DLG2: variants seen among roughly 807,000 people sequenced by gnomAD.
DLG2 encodes disks large homolog 2.
A neutral mutation model predicts 132.5 loss-of-function variants in DLG2; 45 were observed. The ratio of observed to expected loss-of-function variants is 0.34; its 90% CI spans 0.27 to 0.44. The LOEUF is 0.44. Among genes scored for constraint, DLG2 ranks in the 20% least tolerant of loss-of-function variants. DLG2 has a pLI of 1.00. For synonymous variants in DLG2, 424 were observed against 419.6 expected (o/e 1.01, Z -0.13); for missense variants, 1,045 against 1,196.9 (o/e 0.87, Z 1.87).
At chr11:84,955,043 T>C (rs1566497897) in intron 6 of DLG2, among the ~76,000 whole-genome samples, 2 of 152,182 alleles carry the variant, frequency 1.3e-5, no homozygotes, top group South Asian at 4.1e-4. Flanking sequence ...AATATGTAAA[T>C]GATACAAATT....
chr11:83,468,837 CAG>C (rs892009540), intron 25 of DLG2, among the ~76,000 whole-genome samples: 1 of 152,002 alleles, frequency 6.6e-6, no homozygotes, highest in Non-Finnish European at 1.5e-5. Flanking sequence ...GTCAAGTTTT[CAG>C]AGAGAGAGAA....
chr11:84,769,797 A>G (rs538399149), intron 6 of DLG2, among the ~76,000 whole-genome samples: 7 of 152,364 alleles, frequency 4.6e-5, no homozygotes, highest in African/African-American at 1.7e-4. Flanking sequence ...CAGAAACCTT[A>G]TAAGCCAGGA....
intron 6 of DLG2, among the ~76,000 whole-genome samples, chr11:84,977,521 T>C (rs1021771079): frequency 6.6e-6 from 1 of 152,210 alleles, no homozygotes; most frequent in Non-Finnish European, 1.5e-5. Flanking sequence ...GATACCCTTA[T>C]GCCCTGACCC....
intron 3 of DLG2, among the ~76,000 whole-genome samples, chr11:85,301,907 T>C (rs2079607841): frequency 6.6e-6 from 1 of 152,244 alleles, no homozygotes; most frequent in Non-Finnish European, 1.5e-5. Context: ...TCCCTCCCTG[T>C]CATAAAATTG....
At chr11:85,158,771 C>A (rs981623533) in intron 4 of DLG2, among the ~76,000 whole-genome samples, 1 of 152,102 alleles carries the variant, frequency 6.6e-6, no homozygotes, top group Admixed American at 6.5e-5. Context: ...TAGTCTGACT[C>A]GTGTAGAGCT....
intron 19 of DLG2, among the ~76,000 whole-genome samples, chr11:83,578,542 A>G (rs1246708126): frequency 6.6e-6 from 1 of 152,148 alleles, no homozygotes; most frequent in African/African-American, 2.4e-5. Flanking sequence ...TCAAAGGTAC[A>G]ACTAGGTTAA....
At chr11:83,855,571 A>AATTTTC (rs1465681828) in intron 16 of DLG2, among the ~76,000 whole-genome samples, 2 of 152,260 alleles carry the variant, frequency 1.3e-5, no homozygotes, top group Non-Finnish European at 2.9e-5. Context: ...CCAATCTGAA[A>AATTTTC]AGGCTACATA....
intron 11 of DLG2, among the ~76,000 whole-genome samples, chr11:84,014,471 A>G (rs1291185615): frequency 1.3e-5 from 2 of 152,294 alleles, no homozygotes; most frequent in African/African-American, 4.8e-5. Flanking sequence ...TTTTAAATGA[A>G]AATAAAATGT....
At chr11:83,564,985 C>CTGTTCTT (rs2096678940) in intron 19 of DLG2, among the ~76,000 whole-genome samples, 3 of 152,176 alleles carry the variant, frequency 2.0e-5, no homozygotes, top group Non-Finnish European at 4.4e-5. Context: ...GTATTATAAT[C>CTGTTCTT]AATCATGCAG....
intron 2 of DLG2, among the ~76,000 whole-genome samples, chr11:85,622,066 T>A (rs1047353315): frequency 1.8e-4 from 28 of 152,212 alleles, no homozygotes; most frequent in African/African-American, 6.5e-4. Context: ...TTAGCAGCCA[T>A]CAACAACGAA....
At chr11:85,315,029 TTATGAGC>T (rs1358047929) in intron 3 of DLG2, among the ~76,000 whole-genome samples, 1 of 151,972 alleles carries the variant, frequency 6.6e-6, no homozygotes. Flanking sequence ...CATGAGAGAA[TTATGAGC>T]TATCTAGGCC....
intron 4 of DLG2, among the ~76,000 whole-genome samples, chr11:85,281,256 T>A (rs550826869): frequency 6.6e-6 from 1 of 151,992 alleles, no homozygotes; most frequent in Non-Finnish European, 1.5e-5. Context: ...GTCTAAAACC[T>A]TTACCTCCAG....
At chr11:83,610,677 A>G (rs1169806795) in intron 19 of DLG2, among the ~76,000 whole-genome samples, 2 of 151,398 alleles carry the variant, frequency 1.3e-5, no homozygotes, top group Non-Finnish European at 3.0e-5. Flanking sequence ...CAATGAGGTA[A>G]TAATAATAAT....
chr11:85,096,269 C>T (rs1305008710), intron 6 of DLG2, among the ~76,000 whole-genome samples: 3 of 152,284 alleles, frequency 2.0e-5, no homozygotes, highest in South Asian at 2.1e-4. Context: ...TTTGTTCTTT[C>T]GCTCTTCACA....
intron 3 of DLG2, among the ~76,000 whole-genome samples, chr11:85,398,976 G>C (rs190090044): frequency 4.3e-4 from 65 of 152,266 alleles, no homozygotes; most frequent in African/African-American, 1.5e-3. Context: ...ATTAGGAAAA[G>C]AGGAAGTCAA....
chr11:83,953,411 G>A (rs994108519), intron 14 of DLG2, among the ~76,000 whole-genome samples: 1 of 152,134 alleles, frequency 6.6e-6, no homozygotes, highest in East Asian at 1.9e-4. Flanking sequence ...CTGCACATGC[G>A]AAGGATCTAG....
At chr11:85,465,705 T>C (rs1185477907) in intron 3 of DLG2, among the ~76,000 whole-genome samples, 1 of 152,214 alleles carries the variant, frequency 6.6e-6, no homozygotes, top group African/African-American at 2.4e-5. Context: ...CAGTCTATCA[T>C]TGATGGACAT....
chr11:85,263,259 T>C (rs1360972587), intron 4 of DLG2, among the ~76,000 whole-genome samples: 1 of 152,136 alleles, frequency 6.6e-6, no homozygotes, highest in Non-Finnish European at 1.5e-5. Context: ...TCAGGGAAGA[T>C]TTATCATTCC....
intron 6 of DLG2, among the ~76,000 whole-genome samples, chr11:84,886,220 G>C (rs2088278406): frequency 6.6e-6 from 1 of 152,072 alleles, no homozygotes; most frequent in South Asian, 2.1e-4. Flanking sequence ...ATCAATCTCT[G>C]TCAACTGCCT....
Sources: allele counts gnomAD v4.1 joint callset (sites outside exome capture counted in the v4.1 genomes callset), GRCh38; gene constraint gnomAD v4.1.1; transcripts MANE v1.5; gene names NCBI Gene and HGNC (gene_info 2026-07-23, HGNC 2026-07-21).